Variants in TDRD5 observed in about 807,000 individuals in gnomAD.
TDRD5 encodes the protein tudor domain containing 5, also known as tudor domain-containing protein 5.
TDRD5 carries 41 observed loss-of-function variants against 120.6 expected under a neutral mutation model. The observed-to-expected ratio is 0.34, with a 90% CI of 0.26 to 0.44. The LOEUF (loss-of-function observed/expected upper bound fraction) is 0.44. Among genes scored for constraint, TDRD5 ranks in the 20% least tolerant of loss-of-function variants. The pLI, the probability that TDRD5 is intolerant of heterozygous loss-of-function variation, is 1.00. For missense variants in TDRD5, 1,006 were observed against 1,221.2 expected, an observed-to-expected ratio of 0.82 and a Z score of 2.63; for synonymous variants, 430 against 433.7, an observed-to-expected ratio of 0.99 and a Z score of 0.11.
At chr1:179,617,801 C>G (rs1676638577) in intron 4 of TDRD5, among the ~76,000 whole-genome samples, 1 of 152,042 alleles carries the variant, frequency 6.6e-6, no homozygotes, top group South Asian at 2.1e-4. Context: ...CTCAATTATT[C>G]CCATGCATGA....
At chr1:179,637,676 C>T (rs2102019625) in intron 9 of TDRD5, among the ~76,000 whole-genome samples, 1 of 151,036 alleles carries the variant, frequency 6.6e-6, no homozygotes, top group Non-Finnish European at 1.5e-5. Context: ...GATTGTGCTA[C>T]TGCACTCCAG....
intron 7 of TDRD5, among the ~76,000 whole-genome samples, 196 bp downstream of exon 7, chr1:179,631,116 G>T (rs534340427): frequency 2.0e-5 from 3 of 152,284 alleles, no homozygotes; most frequent in South Asian, 2.1e-4. Flanking sequence ...CTTGGGCCGG[G>T]TGCAGTGGCT....
chr1:179,597,881 A>G (rs949267510), intron 4 of TDRD5, among the ~76,000 whole-genome samples: 11 of 152,206 alleles, frequency 7.2e-5, no homozygotes, highest in Non-Finnish European at 1.6e-4. Context: ...GTTCAGGTCC[A>G]TTTATCTACA....
At chr1:179,612,963 C>A (rs1676364654) in intron 4 of TDRD5, among the ~76,000 whole-genome samples, 1 of 150,924 alleles carries the variant, frequency 6.6e-6, no homozygotes, top group East Asian at 2.0e-4. Context: ...AAAAGAGTAC[C>A]CCATTCTACC....
At chr1:179,677,037 T>C (rs1195402854) in intron 17 of TDRD5, among the ~76,000 whole-genome samples, 1 of 151,940 alleles carries the variant, frequency 6.6e-6, no homozygotes, top group East Asian at 2.0e-4. Flanking sequence ...GAGGCGTTGT[T>C]CATTTTTTTA....
Position 179,651,083 on chromosome 1 carries a change from T to A in TDRD5, c.2001+16T>A. 1 of 1,612,666 alleles carries A rather than the reference T, an allele frequency of 6.2e-7. No homozygotes were observed. Among genetic ancestry groups the A allele is most frequent in the Non-Finnish European group, 8.5e-7 (1 of 1,179,312 alleles). On this transcript the variant is annotated intron_variant, in intron 12 of 17. Coordinates refer to ENST00000444136, the MANE Select transcript of TDRD5 (RefSeq NM_001199085.3). Reference sequence around the variant, plus strand: ...CTCTTCTAAGGTGGAGCAGTCTGGATGTATTTTGTAATATATTTTGTTTAA... The same window carrying A: ...CTCTTCTAAGGTGGAGCAGTCTGGAAGTATTTTGTAATATATTTTGTTTAA...
chr1:179,669,176 A>G lies in TDRD5; in HGVS notation c.2650-18A>G, dbSNP rs916752695. 6.2e-7 allele frequency: 1 copy of G among 1,604,798 alleles called. No homozygotes were observed. The highest frequency in any genetic ancestry group is 8.5e-7 in the Non-Finnish European group (1 of 1,175,442). Reference sequence around the variant, plus strand: ...CTAACACTTTTCATGTTTTTGCCCCATTTTTCCCATTCTGCAGCAACTAGA... The same window carrying G: ...CTAACACTTTTCATGTTTTTGCCCCGTTTTTCCCATTCTGCAGCAACTAGA... On this transcript the variant is annotated intron_variant, in intron 16 of 17. Transcript: ENST00000444136.
At chr1:179,618,010 A>G (rs1184897486) in intron 4 of TDRD5, among the ~76,000 whole-genome samples, 1 of 151,792 alleles carries the variant, frequency 6.6e-6, no homozygotes, top group East Asian at 1.9e-4. Flanking sequence ...CTTTCCTTTT[A>G]CTTTCAGGAG....
At chr1:179,649,015 A>G (rs1022880157) in intron 11 of TDRD5, among the ~76,000 whole-genome samples, 12 of 152,200 alleles carry the variant, frequency 7.9e-5, no homozygotes, top group Non-Finnish European at 1.5e-4. Context: ...AGCAGTTAGT[A>G]TCTTTAGCAC....
Position 179,669,329 on chromosome 1 carries a change from C to A in TDRD5, c.2785C>A (p.Gln929Lys), listed in dbSNP as rs760761372. The A allele has an allele frequency of 6.2e-7, 1 of 1,614,170 alleles. No homozygotes were observed. Among genetic ancestry groups the A allele is most frequent in the South Asian group, 1.1e-5 (1 of 91,084 alleles). Residue 929 changes from glutamine to lysine, a missense_variant, in exon 17 of 18, where the codon CAA (glutamine) becomes AAA (lysine). By Grantham distance (53) the Gln-to-Lys change is moderately conservative (BLOSUM62 1). Coordinates refer to ENST00000444136, the MANE Select transcript of TDRD5 (RefSeq NM_001199085.3). The stretch of plus-strand genomic sequence containing the variant: ...CAACAACAGTCAGACTCAGCCAAAG[C>A]AAATTCAGCTTTCCACAGCAGCACC... ...EPNNSQTQPK[Q>K]IQLSTAAPCS...
At chr1:179,610,722 C>T (rs1049252076) in intron 4 of TDRD5, among the ~76,000 whole-genome samples, 20 of 152,036 alleles carry the variant, frequency 1.3e-4, no homozygotes, top group African/African-American at 4.6e-4. Context: ...TTTTAGTCAG[C>T]CATTTTTATT....
intron 6 of TDRD5, among the ~76,000 whole-genome samples, chr1:179,629,366 AGG>A (rs1046615220): frequency 6.6e-6 from 1 of 152,228 alleles, no homozygotes; most frequent in Non-Finnish European, 1.5e-5. Context: ...ACATATTAGA[AGG>A]TCTTCCACTG....
At chr1:179,655,952 C>T (rs563900125) in intron 14 of TDRD5, among the ~76,000 whole-genome samples, 11 of 152,242 alleles carry the variant, frequency 7.2e-5, no homozygotes, top group South Asian at 6.2e-4. Flanking sequence ...TGAACATAAG[C>T]TTCATTTATC....
intron 14 of TDRD5, among the ~76,000 whole-genome samples, chr1:179,654,728 A>G (rs1456787263): frequency 6.6e-6 from 1 of 152,154 alleles, no homozygotes; most frequent in Non-Finnish European, 1.5e-5. Flanking sequence ...AGATCGTGCC[A>G]CTGTACTCCA....
Position 179,648,458 on chromosome 1 carries a change from G to T in TDRD5, c.1801-2409G>T, listed in dbSNP as rs867901066. Among the ~76,000 whole-genome samples, 6 of 94,544 alleles carry T rather than the reference G, an allele frequency of 6.3e-5. No individual in the cohort carries two copies. In the East Asian group the frequency reaches 1.3e-3, roughly 21 times the overall value. The allele number at this position is 94,544 out of a possible 152,430, so 62.0% of individuals were successfully genotyped here. On this transcript the variant is annotated intron_variant, in intron 11 of 17. Transcript: ENST00000444136. Reference sequence around the variant, plus strand: ...TCTGGGGACTGTTGTGGGGTGGGGGGGGGGAGGGATAGCATTGGGAGATAT... The same window carrying T: ...TCTGGGGACTGTTGTGGGGTGGGGGTGGGGAGGGATAGCATTGGGAGATAT...
intron 4 of TDRD5, among the ~76,000 whole-genome samples, chr1:179,596,930 G>A (rs1226259126): frequency 7.2e-5 from 11 of 152,184 alleles, no homozygotes; most frequent in Non-Finnish European, 1.3e-4. Flanking sequence ...ATATGTATGA[G>A]AGTTGTAGTT....
chr1:179,603,491 A>G (rs1675822030), intron 4 of TDRD5, among the ~76,000 whole-genome samples: 1 of 152,138 alleles, frequency 6.6e-6, no homozygotes, highest in African/African-American at 2.4e-5. Context: ...TTACCCATCC[A>G]GTATTATGTT....
chr1:179,641,651 C>A (rs533288499), intron 11 of TDRD5, among the ~76,000 whole-genome samples: 1 of 151,978 alleles, frequency 6.6e-6, no homozygotes, highest in African/African-American at 2.4e-5. Context: ...ATGTTGGGAG[C>A]GAGGGTTTTT....
intron 11 of TDRD5, among the ~76,000 whole-genome samples, chr1:179,643,757 A>G (rs776830522): frequency 1.5e-4 from 23 of 152,112 alleles, no homozygotes; most frequent in Non-Finnish European, 2.6e-4. Flanking sequence ...CCAGAAAGAG[A>G]GTTGAGAGAG....
Sources: gnomAD v4.1 joint callset for allele counts (sites outside exome capture counted in the v4.1 genomes callset) on GRCh38, gnomAD v4.1.1 for gene constraint, MANE v1.5 for transcripts, NCBI Gene and HGNC (gene_info 2026-07-23, HGNC 2026-07-21) for gene names.